The following RNF182 variants were observed in gnomAD, a reference collection of about 807,000 sequenced individuals.
RNF182 encodes ring finger protein 182.
A neutral mutation model predicts 14.4 loss-of-function variants in RNF182; 15 were observed. The ratio of observed to expected loss-of-function variants is 1.04; its 90% CI spans 0.70 to 1.60. RNF182 has a LOEUF of 1.60. Among genes scored for constraint, RNF182 ranks in the 40% most tolerant of loss-of-function variants. The pLI, the probability that RNF182 is intolerant of heterozygous loss-of-function variation, is 0.00. For synonymous variants in RNF182, 128 were observed against 122.9 expected (o/e 1.04, Z -0.27); for missense variants, 268 against 294.8 (o/e 0.91, Z 0.67).
Position 13,925,037 on chromosome 6 carries a change from G to C in RNF182, c.-367+14G>C, listed in dbSNP as rs1357196825. The C allele has an allele frequency of 0.06, 118 of 1,972 alleles. No homozygotes were observed. The highest frequency in any genetic ancestry group is 0.33 in the South Asian group (6 of 18). The allele number at this position is 1,972 out of a possible 1,614,324, so 0.1% of individuals were successfully genotyped here. On this transcript the variant is annotated intron_variant, in intron 1 of 2. Coordinates refer to ENST00000488300, the MANE Select transcript of RNF182 (RefSeq NM_152737.4). ...GCCGCCGGCCAGGTAAGGCGATCGC[G>C]CCCGCGGCCGGGGAGGGGTCGGCGG...
intron 1 of RNF182, among the ~76,000 whole-genome samples, chr6:13,960,987 CTTTG>C (rs1364897418): frequency 6.6e-6 from 1 of 152,134 alleles, no homozygotes; most frequent in Admixed American, 6.6e-5. Flanking sequence ...TAAATTATAT[CTTTG>C]TTTGCATCTT....
intron 1 of RNF182, among the ~76,000 whole-genome samples, chr6:13,962,791 C>T (rs182003896): frequency 1.1e-4 from 16 of 152,078 alleles, no homozygotes; most frequent in South Asian, 2.1e-4. Flanking sequence ...CTGTTGATGC[C>T]GCATTAAAAT....
At chr6:13,942,189 G>A (rs186930144) in intron 1 of RNF182, among the ~76,000 whole-genome samples, 10 of 152,170 alleles carry the variant, frequency 6.6e-5, no homozygotes. Context: ...TCCTTTAGAG[G>A]TGATGTGCCT....
rs560593923 is a variant in RNF182, at chr6:13,929,059, C to CT, written c.-367+4038dup. Among the ~76,000 whole-genome samples, 8 of 152,298 alleles carry CT rather than the reference C, an allele frequency of 5.3e-5. No homozygotes were observed. The East Asian group carries it at 1.5e-3, about 29-fold the overall frequency. ...GAGTTGCTGGTGCTGGTCCTGGTCA[C>CT]TTGCCTCCATTTTTCCTCCCAATTA... On this transcript the variant is annotated intron_variant, in intron 1 of 2. Transcript: ENST00000488300.
Position 13,977,328 on chromosome 6 carries a change from A to T in RNF182, c.209A>T (p.Glu70Val). The change falls in exon 3 of 3, where the codon GAG becomes GTG. Residue 70 changes from glutamate to valine, a missense_variant. Physicochemically the swap from Glu to Val is moderately radical, Grantham distance 121 (BLOSUM62 -2). Coordinates refer to ENST00000488300, the MANE Select transcript of RNF182 (RefSeq NM_152737.4). ...GVIVCPFCRF[E>V]TCLPDDEVSS... ...ATTGTCTGTCCTTTCTGCAGGTTTGAGACGTGCCTGCCAGATGATGAAGTT... is the reference window on the plus strand; with the variant it reads ...ATTGTCTGTCCTTTCTGCAGGTTTGTGACGTGCCTGCCAGATGATGAAGTT... 1 of 1,614,186 alleles carries T rather than the reference A, an allele frequency of 6.2e-7. No homozygotes were observed. The highest frequency in any genetic ancestry group is 8.5e-7 in the Non-Finnish European group (1 of 1,180,018).
At chr6:13,924,903 G>GCTGC (rs1758772482), upstream of RNF182, 1 of 147,056 alleles carries the variant, frequency 6.8e-6, no homozygotes, top group African/African-American at 2.5e-5. Flanking sequence ...TAGAGACAAA[G>GCTGC]CCGCCCGCCC....
chr6:13,927,109 A>G (rs1758849993), intron 1 of RNF182, among the ~76,000 whole-genome samples: 1 of 152,178 alleles, frequency 6.6e-6, no homozygotes, highest in Non-Finnish European at 1.5e-5. Flanking sequence ...ACAGAAATCA[A>G]CAATCATGTA....
intron 2 of RNF182, among the ~76,000 whole-genome samples, chr6:13,975,200 G>A (rs1489394100): frequency 3.9e-5 from 6 of 152,124 alleles, no homozygotes; most frequent in Admixed American, 2.0e-4. Flanking sequence ...TTGTTCTTTG[G>A]CTGTCATCCT....
chr6:13,971,195 A>G (rs1760170191), intron 1 of RNF182, among the ~76,000 whole-genome samples: 1 of 152,128 alleles, frequency 6.6e-6, no homozygotes, highest in African/African-American at 2.4e-5. Context: ...TCAAGGGTGG[A>G]GCCAGGTGGA....
chr6:13,947,618 GT>G (rs1175966833), intron 1 of RNF182, among the ~76,000 whole-genome samples: 2 of 152,150 alleles, frequency 1.3e-5, no homozygotes, highest in Non-Finnish European at 2.9e-5. Flanking sequence ...AGTTGGATAA[GT>G]TTCTCTCCTC....
intron 1 of RNF182, among the ~76,000 whole-genome samples, chr6:13,938,162 G>C (rs2113591784): frequency 6.8e-6 from 1 of 147,230 alleles, no homozygotes; most frequent in East Asian, 2.0e-4. Context: ...ACCATGCCTG[G>C]CTAATTTTTT....
intron 1 of RNF182, among the ~76,000 whole-genome samples, chr6:13,931,999 A>G (rs9475800): frequency 0.32 from 47,930 of 151,978 alleles, 8,191 homozygotes; most frequent in East Asian, 0.61. Context: ...CTGTGAACCA[A>G]TAAGTGGTCT....
rs532275298 is a variant in RNF182 at position 13,954,908 on chromosome 6, G to T, written c.-366-19302G>T. 3.3e-5 allele frequency among the ~76,000 whole-genome samples: 5 copies of T among 152,242 alleles called. No homozygotes were observed. In the South Asian group the frequency reaches 1.0e-3, roughly 32 times the overall value. On this transcript the variant is annotated intron_variant, in intron 1 of 2. Transcript: ENST00000488300. ...GCCTGTGAAGGTGGAGGGGCTCTAC[G>T]CTTCCTGCTGCATGGCATCAGGAGG...
intron 1 of RNF182, among the ~76,000 whole-genome samples, chr6:13,929,275 G>T (rs564305037): frequency 6.6e-6 from 1 of 152,306 alleles, no homozygotes; most frequent in East Asian, 1.9e-4. Flanking sequence ...TATTGTATTT[G>T]AGTGAGAAGT....
At chr6:13,976,400 A>G (rs1199985514) in intron 2 of RNF182, among the ~76,000 whole-genome samples, 2 of 152,218 alleles carry the variant, frequency 1.3e-5, no homozygotes, top group Admixed American at 6.5e-5. Context: ...CTCTACTTAA[A>G]TATGCTCTTA....
At chr6:13,952,060 A>G (rs1038186121) in intron 1 of RNF182, among the ~76,000 whole-genome samples, 1 of 152,168 alleles carries the variant, frequency 6.6e-6, no homozygotes, top group African/African-American at 2.4e-5. Context: ...GCAAGATGGA[A>G]AAGCAGACAG....
At chr6:13,968,320 A>T (rs1464834563) in intron 1 of RNF182, among the ~76,000 whole-genome samples, 1 of 152,188 alleles carries the variant, frequency 6.6e-6, no homozygotes, top group East Asian at 1.9e-4. Flanking sequence ...AACCCAGAAG[A>T]AATGGATTTT....
At chr6:13,938,811 A>G (rs1235841088) in intron 1 of RNF182, among the ~76,000 whole-genome samples, 4 of 152,166 alleles carry the variant, frequency 2.6e-5, no homozygotes, top group Non-Finnish European at 1.5e-5. Flanking sequence ...TATTTGTCTA[A>G]TAAAGTGTCT....
chr6:13,925,959 CTG>C (rs1033760683), intron 1 of RNF182, among the ~76,000 whole-genome samples: 4 of 151,914 alleles, frequency 2.6e-5, no homozygotes, highest in African/African-American at 7.3e-5. Context: ...TAAATTGTGA[CTG>C]TGAAGACTTT....
Sources: allele counts gnomAD v4.1 joint callset (sites outside exome capture counted in the v4.1 genomes callset), GRCh38; gene constraint gnomAD v4.1.1; transcripts MANE v1.5; gene names NCBI Gene and HGNC (gene_info 2026-07-23, HGNC 2026-07-21).